The following SNTG2 variants were observed in gnomAD, a reference collection of about 807,000 sequenced individuals.
SNTG2 encodes gamma-2-syntrophin.
SNTG2 carries 74 observed loss-of-function variants against 70.9 expected under a neutral mutation model. The observed-to-expected ratio is 1.04, with a 90% CI of 0.86 to 1.27. SNTG2 has a LOEUF of 1.27. SNTG2 is among the 50% of genes most tolerant of loss of function. SNTG2 has a pLI of 0.00. For missense variants in SNTG2, 717 were observed against 690.7 expected (o/e 1.04, Z -0.43); for synonymous variants, 278 against 273.8 (o/e 1.02, Z -0.15).
At chr2:981,751 C>G (rs1031468885) in intron 1 of SNTG2, among the ~76,000 whole-genome samples, 2 of 152,226 alleles carry the variant, frequency 1.3e-5, no homozygotes, top group Non-Finnish European at 2.9e-5. Context: ...CATGTCCCTA[C>G]ATGAACATGA....
chr2:1,084,040 C>A (rs556329579), intron 2 of SNTG2, among the ~76,000 whole-genome samples: 72 of 142,396 alleles, frequency 5.1e-4, no homozygotes, highest in African/African-American at 1.8e-3. Flanking sequence ...GGCTCCATCT[C>A]AAAAAAAAAA....
chr2:1,346,269 AC>A (rs564414574), intron 16 of SNTG2: 1 of 142,396 alleles, frequency 7.0e-6, no homozygotes, highest in Non-Finnish European at 1.5e-5. Flanking sequence ...CGATAGGGCC[AC>A]CCTCCACCCT....
chr2:1,060,010 G>A (rs987789311), intron 1 of SNTG2, among the ~76,000 whole-genome samples: 3 of 151,928 alleles, frequency 2.0e-5, no homozygotes, highest in African/African-American at 7.2e-5. Context: ...ATAAAGAGAT[G>A]GAAAGAATGG....
Position 1,054,900 on chromosome 2 carries a change from G to T in SNTG2, c.73-28618G>T, listed in dbSNP as rs1254293656. Reference sequence around the variant, plus strand: ...CATGAGATGAAAATTAGCCATTTTAGAAGTTAAAAATATTGCCAGGGTGAT... The same window carrying T: ...CATGAGATGAAAATTAGCCATTTTATAAGTTAAAAATATTGCCAGGGTGAT... On this transcript the variant is annotated intron_variant, in intron 1 of 16. Coordinates refer to ENST00000308624, the MANE Select transcript of SNTG2 (RefSeq NM_018968.4). Among the ~76,000 whole-genome samples the T allele has an allele frequency of 2.0e-5, 3 of 152,084 alleles. No individual in the cohort carries two copies. The East Asian group carries it at 5.8e-4, about 29-fold the overall frequency.
At chr2:1,266,901 G>T (rs1211543703) in intron 13 of SNTG2, among the ~76,000 whole-genome samples, 1 of 151,964 alleles carries the variant, frequency 6.6e-6, no homozygotes, top group Non-Finnish European at 1.5e-5. Context: ...CTACAAGCGT[G>T]TGCTGCCACA....
chr2:1,111,052 G>A (rs1190581282), intron 4 of SNTG2, among the ~76,000 whole-genome samples: 1 of 152,180 alleles, frequency 6.6e-6, no homozygotes, highest in Non-Finnish European at 1.5e-5. Context: ...TTAGCTTTCC[G>A]TAAGAATGAA....
In SNTG2 at chr2:1,204,428, C is replaced by T. The variant is rs568250900; in HGVS notation, c.592-4675C>T. The stretch of plus-strand genomic sequence containing the variant: ...TATTTAAACACAAAGTATTAAAACA[C>T]CAAGTGTATGGTGATGCCTCTCTTA... On this transcript the variant is annotated intron_variant, in intron 8 of 16. Coordinates refer to ENST00000308624, the MANE Select transcript of SNTG2 (RefSeq NM_018968.4). Among the ~76,000 whole-genome samples, 5 of 152,270 alleles carry T rather than the reference C, an allele frequency of 3.3e-5. No homozygotes were observed. The South Asian group carries it at 1.0e-3, about 32-fold the overall frequency.
At chr2:1,359,397 A>G (rs1047516757) in intron 16 of SNTG2, among the ~76,000 whole-genome samples, 5 of 152,224 alleles carry the variant, frequency 3.3e-5, no homozygotes, top group African/African-American at 1.2e-4. Flanking sequence ...ATTTATTTAC[A>G]GTTGTTCTAT....
chr2:1,305,515 G>A (rs1356857038), intron 14 of SNTG2, among the ~76,000 whole-genome samples: 1 of 152,198 alleles, frequency 6.6e-6, no homozygotes. Context: ...TGTAAACATA[G>A]AGGAAGCCTG....
At chr2:1,250,020 C>A (rs2148137165) in intron 12 of SNTG2, among the ~76,000 whole-genome samples, 1 of 152,296 alleles carries the variant, frequency 6.6e-6, no homozygotes, top group East Asian at 1.9e-4. Flanking sequence ...CTGCCCAAAG[C>A]CACAGGACCA....
chr2:1,012,329 C>T (rs1480532881), intron 1 of SNTG2, among the ~76,000 whole-genome samples: 1 of 152,230 alleles, frequency 6.6e-6, no homozygotes, highest in Non-Finnish European at 1.5e-5. Context: ...TGAGTTCTCT[C>T]ATCCTCGGTG....
intron 4 of SNTG2, among the ~76,000 whole-genome samples, chr2:1,122,169 C>T (rs992297012): frequency 6.6e-6 from 1 of 152,072 alleles, no homozygotes; most frequent in African/African-American, 2.4e-5. Context: ...CTGAATTATA[C>T]CAAATATTCA....
At chr2:1,153,029 T>G (rs1572579406) in intron 6 of SNTG2, among the ~76,000 whole-genome samples, 1 of 151,608 alleles carries the variant, frequency 6.6e-6, no homozygotes, top group African/African-American at 2.4e-5. Flanking sequence ...GAGGCTGAGG[T>G]GGGAGAATTG....
chr2:1,252,145 G>A (rs937256737), intron 12 of SNTG2, among the ~76,000 whole-genome samples: 1 of 152,188 alleles, frequency 6.6e-6, no homozygotes, highest in African/African-American at 2.4e-5. Flanking sequence ...CTGGATCCTT[G>A]ATGATCCACG....
At chr2:1,319,198 A>G (rs1215335714) in intron 16 of SNTG2, among the ~76,000 whole-genome samples, 3 of 152,246 alleles carry the variant, frequency 2.0e-5, no homozygotes, top group African/African-American at 7.2e-5. Context: ...ACAGGCTTTG[A>G]GACCGGCATC....
intron 8 of SNTG2, among the ~76,000 whole-genome samples, chr2:1,208,621 A>G (rs1008627882): frequency 6.6e-6 from 1 of 151,836 alleles, no homozygotes; most frequent in Non-Finnish European, 1.5e-5. Flanking sequence ...CCACTTTTCC[A>G]TCTGGGCCCG....
At chr2:1,161,887 A>C (rs943185400) in intron 6 of SNTG2, among the ~76,000 whole-genome samples, 2 of 152,100 alleles carry the variant, frequency 1.3e-5, no homozygotes, top group Non-Finnish European at 2.9e-5. Context: ...ATCCTGGCTA[A>C]CACGGTGAAA....
rs189424289 is a variant in SNTG2 at position 1,246,393 on chromosome 2, T to C, written c.889-934T>C. Among the ~76,000 whole-genome samples the C allele has an allele frequency of 2.2e-3, 332 of 152,244 alleles. 5 individuals are homozygous for C. Among genetic ancestry groups the C allele is most frequent in the African/African-American group, 7.3e-3 (303 of 41,558 alleles). ...AAATATCAGAAACAGGATGCGCCCA[T>C]CCTGGAGCTGGCGCCGGCTGTGACG... On this transcript the variant is annotated intron_variant, in intron 11 of 16. Transcript: ENST00000308624.
At chr2:1,025,865 C>A (rs1270680460) in intron 1 of SNTG2, among the ~76,000 whole-genome samples, 7 of 152,198 alleles carry the variant, frequency 4.6e-5, no homozygotes, top group African/African-American at 1.7e-4. Flanking sequence ...ACATAGACAG[C>A]ATCATTCATT....
Sources: allele counts gnomAD v4.1 joint callset (sites outside exome capture counted in the v4.1 genomes callset), GRCh38; gene constraint gnomAD v4.1.1; transcripts MANE v1.5; gene names NCBI Gene and HGNC (gene_info 2026-07-23, HGNC 2026-07-21).